DENND1A: variants seen among roughly 807,000 people sequenced by gnomAD.
DENND1A encodes the protein DENN domain containing 1A, also known as DENN domain-containing protein 1A.
In DENND1A, 51 loss-of-function variants were observed where a neutral mutation model predicts 113.7. The observed-to-expected ratio is 0.45, with a 90% CI of 0.36 to 0.57. DENND1A has a LOEUF of 0.57. Ranked by LOEUF, DENND1A falls within the 20% of genes least tolerant of loss-of-function variation. The pLI is 0.00. For synonymous variants in DENND1A, 565 were observed against 570.8 expected (o/e 0.99, Z 0.14); for missense variants, 1,258 against 1,395.9 (o/e 0.90, Z 1.57).
chr9:123,578,840 G>T (rs1270607929), intron 12 of DENND1A, among the ~76,000 whole-genome samples: 1 of 118,614 alleles, frequency 8.4e-6, no homozygotes, highest in Non-Finnish European at 1.7e-5. Flanking sequence ...TTCAGTGTGT[G>T]TTTGTGTGTG....
intron 1 of DENND1A, among the ~76,000 whole-genome samples, chr9:123,884,995 G>GCA (rs1554801949): frequency 6.3e-5 from 8 of 126,126 alleles, no homozygotes. Context: ...GCGAGCGCGC[G>GCA]CGCACACACA....
intron 19 of DENND1A, among the ~76,000 whole-genome samples, chr9:123,434,276 C>G (rs2046356662): frequency 6.6e-6 from 1 of 152,242 alleles, no homozygotes; most frequent in South Asian, 2.1e-4. Context: ...ATCCACCTGC[C>G]TTGGCCTCCC....
At chr9:123,651,916 G>T in intron 9 of DENND1A, 97 bp downstream of exon 9, 1 of 1,027,836 alleles carries the variant, frequency 9.7e-7, no homozygotes. Context: ...GGGGACTGTA[G>T]CTGACTCCTT....
chr9:123,651,399 T>G (rs2062646412), intron 9 of DENND1A, among the ~76,000 whole-genome samples: 1 of 151,666 alleles, frequency 6.6e-6, no homozygotes, highest in African/African-American at 2.4e-5. Flanking sequence ...CGTACACACG[T>G]GCGCACATGC....
rs531720624 is a variant in DENND1A, at chr9:123,678,588, G to A, written c.303-1799C>T. Among the ~76,000 whole-genome samples the A allele has an allele frequency of 2.7e-4, 41 of 152,282 alleles. No homozygotes were observed. The South Asian group carries it at 7.3e-3, about 27-fold the overall frequency. On this transcript the variant is annotated intron_variant, in intron 5 of 23. Coordinates refer to ENST00000394215, the MANE Select transcript of DENND1A (RefSeq NM_001352964.2). ...GCACCCTGTACAGATTACCGGCTGCGCCACTGAGGGTAATAAATGAAGTGA... is the reference window on the plus strand; with the variant it reads ...GCACCCTGTACAGATTACCGGCTGCACCACTGAGGGTAATAAATGAAGTGA...
intron 13 of DENND1A, among the ~76,000 whole-genome samples, chr9:123,471,521 T>G (rs1391848116): frequency 6.6e-6 from 1 of 152,164 alleles, no homozygotes; most frequent in Non-Finnish European, 1.5e-5. Context: ...GCAGGACATG[T>G]GACAGGGCAG....
intron 5 of DENND1A, among the ~76,000 whole-genome samples, chr9:123,702,545 T>C (rs943511878): frequency 6.6e-6 from 1 of 151,350 alleles, no homozygotes; most frequent in Non-Finnish European, 1.5e-5. Context: ...AAAGAGAAAA[T>C]CCTGAAAGCA....
At chr9:123,508,312 A>T (rs1188274446) in intron 13 of DENND1A, among the ~76,000 whole-genome samples, 1 of 152,248 alleles carries the variant, frequency 6.6e-6, no homozygotes, top group Non-Finnish European at 1.5e-5. Context: ...TGCCATTTGC[A>T]TTCATACATG....
At chr9:123,511,344 G>C (rs1488813372) in intron 13 of DENND1A, among the ~76,000 whole-genome samples, 1 of 152,208 alleles carries the variant, frequency 6.6e-6, no homozygotes. Flanking sequence ...CTAACACAGC[G>C]GGGGTGCTAG....
At chr9:123,634,824 T>G (rs1023485917) in intron 9 of DENND1A, among the ~76,000 whole-genome samples, 4 of 152,092 alleles carry the variant, frequency 2.6e-5, no homozygotes, top group African/African-American at 9.7e-5. Context: ...AGCCTAAGAC[T>G]CCAGACAAAA....
chr9:123,576,705 G>A (rs1461908736), intron 12 of DENND1A, among the ~76,000 whole-genome samples: 1 of 152,172 alleles, frequency 6.6e-6, no homozygotes, highest in Admixed American at 6.5e-5. Context: ...GGCCAGGCTG[G>A]TCTTGAACTC....
At chr9:123,849,020 A>G (rs907990311) in intron 2 of DENND1A, among the ~76,000 whole-genome samples, 8 of 152,248 alleles carry the variant, frequency 5.3e-5, no homozygotes, top group Non-Finnish European at 1.2e-4. Flanking sequence ...AACATAAAAA[A>G]GTGCAAGGTG....
At chr9:123,811,283 C>T (rs1836554118) in intron 2 of DENND1A, among the ~76,000 whole-genome samples, 1 of 152,144 alleles carries the variant, frequency 6.6e-6, no homozygotes, top group African/African-American at 2.4e-5. Flanking sequence ...CCCCATAAGA[C>T]TGGCAAAGGT....
At chr9:123,482,607 C>A (rs1175675641) in intron 13 of DENND1A, among the ~76,000 whole-genome samples, 4 of 152,172 alleles carry the variant, frequency 2.6e-5, no homozygotes, top group African/African-American at 9.7e-5. Flanking sequence ...TACTGGGTAT[C>A]AGCCCCTGGA....
chr9:123,387,432 T>C (rs956503583), intron 22 of DENND1A, among the ~76,000 whole-genome samples: 2 of 152,160 alleles, frequency 1.3e-5, no homozygotes, highest in Non-Finnish European at 2.9e-5. Flanking sequence ...CTAATTGTAG[T>C]CACCAGTTCC....
chr9:123,727,229 T>A (rs2067774183), intron 5 of DENND1A, among the ~76,000 whole-genome samples: 1 of 152,210 alleles, frequency 6.6e-6, no homozygotes, highest in Non-Finnish European at 1.5e-5. Context: ...TTTTCTTGTT[T>A]AGTCATCTAA....
chr9:123,606,853 C>G (rs921895866), intron 11 of DENND1A, among the ~76,000 whole-genome samples: 1 of 152,202 alleles, frequency 6.6e-6, no homozygotes, highest in African/African-American at 2.4e-5. Flanking sequence ...AAGCAAACAG[C>G]TATTATTCAG....
Position 123,704,825 on chromosome 9 carries a change from G to A in DENND1A, c.303-28036C>T, listed in dbSNP as rs550792940. Among the ~76,000 whole-genome samples the A allele has an allele frequency of 9.9e-5, 15 of 152,158 alleles. No individual in the cohort carries two copies. The South Asian group carries it at 1.5e-3, about 15-fold the overall frequency. On this transcript the variant is annotated intron_variant, in intron 5 of 23. Transcript: ENST00000394215. Reference sequence around the variant, plus strand: ...ATCACAAAATGAAAAGATTAGACACGAGTAAAAGTGGCATTAGTGAGCCGG... The same window carrying A: ...ATCACAAAATGAAAAGATTAGACACAAGTAAAAGTGGCATTAGTGAGCCGG...
At chr9:123,753,362 G>A (rs1429945467) in intron 5 of DENND1A, among the ~76,000 whole-genome samples, 1 of 152,204 alleles carries the variant, frequency 6.6e-6, no homozygotes, top group Non-Finnish European at 1.5e-5. Flanking sequence ...AGGTTATGTT[G>A]CACAAAGGGT....
Sources: gnomAD v4.1 joint callset for allele counts (sites outside exome capture counted in the v4.1 genomes callset) on GRCh38, gnomAD v4.1.1 for gene constraint, MANE v1.5 for transcripts, NCBI Gene and HGNC (gene_info 2026-07-23, HGNC 2026-07-21) for gene names.